The following OTOG variants were observed in gnomAD, a reference collection of about 807,000 sequenced individuals.
OTOG encodes the protein otogelin.
A neutral mutation model predicts 313.8 loss-of-function variants in OTOG; 296 were observed. The observed-to-expected ratio is 0.94, with a 90% CI of 0.86 to 1.04. The LOEUF is 1.04. Among genes scored for constraint, OTOG ranks in the 50% least tolerant of loss-of-function variants. The pLI, the probability that OTOG is intolerant of heterozygous loss-of-function variation, is 0.00. For missense variants in OTOG, 3,948 were observed against 3,840.1 expected, an observed-to-expected ratio of 1.03 and a Z score of -0.74; for synonymous variants, 1,533 against 1,554.9, an observed-to-expected ratio of 0.99 and a Z score of 0.33.
Position 17,591,549 on chromosome 11 carries a change from G to A in OTOG, c.2967G>A (p.Pro989=), listed in dbSNP as rs11024331. The A allele has an allele frequency of 6.7e-4, 1,037 of 1,550,632 alleles. 6 individuals are homozygous for A. The African/African-American group carries it at 0.013, about 19-fold the overall frequency. Residue 989 remains proline (P), a synonymous_variant, in exon 25 of 56, where the codon CCG becomes CCA. Coordinates refer to ENST00000399397, the MANE Select transcript of OTOG (RefSeq NM_001292063.2). The part of the protein sequence containing the change: ...DRHYRTFDGL[P]FDFVGACKVH... ...ATTACCGCACGTTTGATGGGCTCCC[G>A]TTTGACTTCGTGGGGGCATGCAAAG... is the stretch of plus-strand genomic sequence containing the variant.
chr11:17,593,131 G>T, intron 25 of OTOG, 62 bp from the exon 26 acceptor site: 1 of 1,480,176 alleles, frequency 6.8e-7, no homozygotes, highest in East Asian at 2.5e-5. Context: ...CTCCACCTCT[G>T]TACCTCTTGG....
In OTOG at chr11:17,589,244, G is replaced by A. The variant is rs544141973; in HGVS notation, c.2868-2206G>A. On this transcript the variant is annotated intron_variant, in intron 24 of 55. Transcript: ENST00000399397. Reference sequence around the variant, plus strand: ...AGGCCCTTAGAGCTGATGGGCTCTCGGATTGTATTTCCCGGGTCTCCTTTG... The same window carrying A: ...AGGCCCTTAGAGCTGATGGGCTCTCAGATTGTATTTCCCGGGTCTCCTTTG... 1.4e-4 allele frequency among the ~76,000 whole-genome samples: 21 copies of A among 152,120 alleles called. 1 individual carries two copies. In the South Asian group the frequency reaches 3.9e-3, roughly 29 times the overall value.
In OTOG at chr11:17,552,222, C is replaced by T. The variant is rs146363888; in HGVS notation, c.292+147C>T. 1.7e-3 allele frequency: 1,369 copies of T among 783,568 alleles called. 1 individual carries two copies. The highest frequency in any genetic ancestry group is 7.7e-3 in the African/African-American group (447 of 57,746). 48.5% of individuals were successfully genotyped at this position (783,568 alleles called of 1,614,324 possible). A position where few individuals can be genotyped will look rare whatever the true frequency, so the allele number is the denominator to read the frequency against. Reference sequence around the variant, plus strand: ...CATCTCCTTCCACCCACTCTGGCCCCGGCCACCATGCCATTTGGCATTCTC... The same window carrying T: ...CATCTCCTTCCACCCACTCTGGCCCTGGCCACCATGCCATTTGGCATTCTC... On this transcript the variant is annotated intron_variant, in intron 4 of 55. Coordinates refer to ENST00000399397, the MANE Select transcript of OTOG (RefSeq NM_001292063.2).
At chr11:17,563,088 G>T (rs1406347351) in intron 15 of OTOG, among the ~76,000 whole-genome samples, 2 of 152,350 alleles carry the variant, frequency 1.3e-5, no homozygotes, top group South Asian at 2.1e-4. Flanking sequence ...CTTCCTGGAA[G>T]ACATGACCCT....
chr11:17,576,753 G>T, intron 21 of OTOG, 115 bp from the exon 22 acceptor site: 1 of 1,454,860 alleles, frequency 6.9e-7, no homozygotes, highest in Admixed American at 2.0e-5. Context: ...CAGGGAGGGG[G>T]AAGTGAGTGA....
At chr11:17,635,471 C>T (rs962347642) in intron 46 of OTOG, 139 bp from the exon 47 acceptor site, 7 of 699,302 alleles carry the variant, frequency 1.0e-5, no homozygotes, top group South Asian at 3.4e-5. Flanking sequence ...GAACGGATCA[C>T]GTGAGACCAT....
chr11:17,604,141 C>G (rs1853322180), intron 32 of OTOG, among the ~76,000 whole-genome samples: 1 of 152,170 alleles, frequency 6.6e-6, no homozygotes, highest in African/African-American at 2.4e-5. Context: ...GTCTTTCATT[C>G]AAACTCCTCT....
At chr11:17,580,726 G>A (rs115793815) in intron 23 of OTOG, among the ~76,000 whole-genome samples, 117 of 152,324 alleles carry the variant, frequency 7.7e-4, no homozygotes, top group African/African-American at 2.7e-3. Context: ...GGGGGAGAGA[G>A]GGGCAAGAAA....
intron 54 of OTOG, among the ~76,000 whole-genome samples, chr11:17,644,736 C>T (rs1490579660): frequency 6.8e-6 from 1 of 147,042 alleles, no homozygotes; most frequent in Non-Finnish European, 1.5e-5. Context: ...TGGAAGGGGC[C>T]TGTGCAAAAG....
intron 24 of OTOG, among the ~76,000 whole-genome samples, chr11:17,589,008 G>T (rs945851321): frequency 1.3e-5 from 2 of 151,958 alleles, no homozygotes; most frequent in Non-Finnish European, 2.9e-5. Flanking sequence ...TCAACCTGTG[G>T]TCCAGAACCA....
chr11:17,613,190 C>CTT (rs1554975511), intron 38 of OTOG, among the ~76,000 whole-genome samples: 1 of 98,166 alleles, frequency 1.0e-5, no homozygotes, highest in Non-Finnish European at 2.0e-5. Flanking sequence ...TTCTTTCTTT[C>CTT]TTTCTTTTCT....
Position 17,631,871 on chromosome 11 carries a change from G to T in OTOG, c.6882G>T (p.Ser2294=). The T allele has an allele frequency of 2.6e-6, 4 of 1,550,502 alleles. No individual in the cohort carries two copies. The highest frequency in any genetic ancestry group is 3.5e-6 in the Non-Finnish European group (4 of 1,147,004). The part of the protein sequence containing the change: ...RPDSCATTDC[S]PCLRMVSNRT... ...ACAGCTGCGCCACAACTGACTGCTC[G>T]CCCTGCCTTCGCATGGTGTCCAACC... Residue 2294 remains serine (S), a synonymous_variant, in exon 41 of 56, where the codon TCG becomes TCT. Transcript: ENST00000399397.
intron 43 of OTOG, 56 bp from the exon 44 acceptor site, chr11:17,634,013 G>T: frequency 6.6e-7 from 1 of 1,511,454 alleles, no homozygotes; most frequent in Non-Finnish European, 8.9e-7. Flanking sequence ...GTCTAGCCTG[G>T]GAAGGTCTGG....
Position 17,555,538 on chromosome 11 carries a change from G to A in OTOG, c.541-241G>A, listed in dbSNP as rs115211278. ...CCCTGGAATCTGAGCCATCCAGACC[G>A]GGGCTAGAATCCCAGCTCTGGGATT... On this transcript the variant is annotated intron_variant, in intron 6 of 55. Transcript: ENST00000399397. Among the ~76,000 whole-genome samples, 3,887 of 152,228 alleles carry A rather than the reference G, an allele frequency of 0.026. 157 individuals are homozygous for A. Among genetic ancestry groups the A allele is most frequent in the South Asian group, 0.096 (460 of 4,812 alleles).
chr11:17,585,629 G>T (rs1470702106), intron 23 of OTOG, among the ~76,000 whole-genome samples: 1 of 152,006 alleles, frequency 6.6e-6, no homozygotes, highest in Admixed American at 6.6e-5. Flanking sequence ...GGATATGCTG[G>T]CCACTTCAGA....
In OTOG at chr11:17,553,223, C is replaced by T; in HGVS notation, c.385+12C>T. 2.6e-6 allele frequency: 4 copies of T among 1,549,706 alleles called. No homozygotes were observed. Among genetic ancestry groups the T allele is most frequent in the Non-Finnish European group, 3.5e-6 (4 of 1,146,450 alleles). ...GCGCTGCCAGATGGGTGGGTCTGGG[C>T]TCCACCCCACCCCCAGGAAGGGACC... On this transcript the variant is annotated intron_variant, in intron 5 of 55. Coordinates refer to ENST00000399397, the MANE Select transcript of OTOG (RefSeq NM_001292063.2).
chr11:17,587,912 C>A (rs1476026563), intron 24 of OTOG, among the ~76,000 whole-genome samples: 1 of 152,196 alleles, frequency 6.6e-6, no homozygotes, highest in African/African-American at 2.4e-5. Flanking sequence ...GATGGATTCA[C>A]TTCCATCACT....
intron 39 of OTOG, among the ~76,000 whole-genome samples, chr11:17,628,923 G>A: frequency 6.6e-6 from 1 of 152,220 alleles, no homozygotes; most frequent in East Asian, 1.9e-4. Flanking sequence ...TTCCAATAAA[G>A]ATATTTTCAG....
chr11:17,561,720 G>A lies in OTOG; in HGVS notation c.1557G>A (p.Thr519=), dbSNP rs764870331. ...HFTTFDGRRY[T]FPATCQYILA... is the part of the protein sequence containing the mutation. ...CAACCTTTGATGGCCGCCGGTACAC[G>A]TTCCCCGCCACATGTCAGTACATCC... The change falls in exon 15 of 56, where the codon ACG becomes ACA. Residue 519 remains threonine (T), a synonymous_variant. Transcript: ENST00000399397. 1.7e-5 allele frequency: 26 copies of A among 1,550,310 alleles called. No individual in the cohort carries two copies. Among genetic ancestry groups the A allele is most frequent in the African/African-American group, 5.5e-5 (4 of 72,982 alleles).
Sources: gnomAD v4.1 joint callset for allele counts (sites outside exome capture counted in the v4.1 genomes callset) on GRCh38, gnomAD v4.1.1 for gene constraint, MANE v1.5 for transcripts, NCBI Gene and HGNC (gene_info 2026-07-23, HGNC 2026-07-21) for gene names.